The following TMEM132D variants were observed in gnomAD, a reference collection of about 807,000 sequenced individuals.
The protein encoded by TMEM132D is transmembrane protein 132D, also known as mature OL transmembrane protein.
In TMEM132D, 21 loss-of-function variants were observed where a neutral mutation model predicts 62.3. The ratio of observed to expected loss-of-function variants is 0.34; its 90% CI spans 0.24 to 0.49. The LOEUF (loss-of-function observed/expected upper bound fraction) is 0.49, where lower values mean the gene tolerates loss of function less well. Ranked by LOEUF, TMEM132D falls within the 20% of genes least tolerant of loss-of-function variation. The pLI is 0.99. For missense variants in TMEM132D, 1,346 were observed against 1,402.8 expected, an observed-to-expected ratio of 0.96 and a Z score of 0.65; for synonymous variants, 621 against 575.6, an observed-to-expected ratio of 1.08 and a Z score of -1.13.
intron 1 of TMEM132D, among the ~76,000 whole-genome samples, chr12:129,782,221 G>C (rs1871139325): frequency 6.6e-6 from 1 of 152,184 alleles, no homozygotes; most frequent in African/African-American, 2.4e-5. Flanking sequence ...AAAGCCTCCA[G>C]TGAAAATTTC....
chr12:129,545,879 G>A (rs976337346), intron 2 of TMEM132D, among the ~76,000 whole-genome samples: 7 of 152,156 alleles, frequency 4.6e-5, no homozygotes, highest in South Asian at 2.1e-4. Flanking sequence ...ACCGTCTCTC[G>A]GAGCTGTCTC....
At chr12:129,333,530 C>G (rs1869180562) in intron 4 of TMEM132D, among the ~76,000 whole-genome samples, 1 of 152,140 alleles carries the variant, frequency 6.6e-6, no homozygotes. Context: ...TTCTTCACAC[C>G]TATATCCAAT....
intron 4 of TMEM132D, among the ~76,000 whole-genome samples, chr12:129,246,994 G>A (rs10847815): frequency 1.3e-5 from 2 of 152,086 alleles, no homozygotes; most frequent in African/African-American, 4.8e-5. Context: ...CATTAAGCTG[G>A]TATCAAAGGT....
intron 2 of TMEM132D, among the ~76,000 whole-genome samples, chr12:129,663,818 C>T (rs1053189421): frequency 6.6e-6 from 1 of 152,168 alleles, no homozygotes; most frequent in Non-Finnish European, 1.5e-5. Context: ...AAATACGCTG[C>T]TTTGCATTAT....
At chr12:129,570,353 T>C (rs1877477460) in intron 2 of TMEM132D, among the ~76,000 whole-genome samples, 1 of 152,206 alleles carries the variant, frequency 6.6e-6, no homozygotes, top group Non-Finnish European at 1.5e-5. Context: ...CACAAGGACA[T>C]CTACCTTCAT....
intron 5 of TMEM132D, among the ~76,000 whole-genome samples, chr12:129,088,756 C>T (rs1357079406): frequency 2.1e-4 from 10 of 47,244 alleles, no homozygotes; most frequent in African/African-American, 6.0e-4. Flanking sequence ...GGGTGTCCTC[C>T]ATGACCGGGT....
chr12:129,345,476 C>A (rs1869650303), intron 3 of TMEM132D, among the ~76,000 whole-genome samples: 1 of 152,168 alleles, frequency 6.6e-6, no homozygotes, highest in African/African-American at 2.4e-5. Flanking sequence ...GAAGACAAAA[C>A]TGGTGTTTCT....
At chr12:129,558,267 T>C (rs1264394356) in intron 2 of TMEM132D, among the ~76,000 whole-genome samples, 1 of 152,182 alleles carries the variant, frequency 6.6e-6, no homozygotes, top group Admixed American at 6.5e-5. Flanking sequence ...CAGAAATGCT[T>C]CTACATGGAA....
intron 1 of TMEM132D, among the ~76,000 whole-genome samples, chr12:129,875,391 A>G (rs1441171131): frequency 2.0e-5 from 3 of 152,214 alleles, no homozygotes; most frequent in African/African-American, 7.2e-5. Context: ...TTTATTTCTC[A>G]GAGTTCTGGA....
rs186679777 is a variant in TMEM132D, at chr12:129,335,535, A to G, written c.1299+2099T>C. Among the ~76,000 whole-genome samples the G allele has an allele frequency of 1.4e-3, 216 of 152,280 alleles. 4 individuals carry two copies. Among genetic ancestry groups the G allele is most frequent in the Admixed American group, 0.014 (215 of 15,298 alleles). On this transcript the variant is annotated intron_variant, in intron 4 of 8. Transcript: ENST00000422113. ...GATGAGGAAATTGAGGCACAATGAA[A>G]TTAAGTATGGTTGCATGAATAGCTA...
At chr12:129,420,324 T>TTTTTTTTTTTTTTTTTTTA (rs1872274422) in intron 3 of TMEM132D, among the ~76,000 whole-genome samples, 1 of 93,168 alleles carries the variant, frequency 1.1e-5, no homozygotes, top group South Asian at 2.9e-4. Context: ...TTTTTTTTTT[T>TTTTTTTTTTTTTTTTTTTA]TTTTTTGCAG....
At chr12:129,364,732 A>G (rs1352927460) in intron 3 of TMEM132D, among the ~76,000 whole-genome samples, 3 of 152,184 alleles carry the variant, frequency 2.0e-5, no homozygotes, top group African/African-American at 4.8e-5. Flanking sequence ...TCCAGGCATC[A>G]TTATTGCAGG....
At chr12:129,380,557 TTG>T (rs35075834) in intron 3 of TMEM132D, among the ~76,000 whole-genome samples, 102,434 of 151,612 alleles carry the variant, frequency 0.68, 35,042 homozygotes, top group Non-Finnish European at 0.72. Flanking sequence ...CTTGCAGACG[TTG>T]TGTGTGTGTG....
chr12:129,486,321 C>T (rs370744445), intron 3 of TMEM132D, among the ~76,000 whole-genome samples: 9 of 152,120 alleles, frequency 5.9e-5, no homozygotes, highest in South Asian at 2.1e-4. Context: ...AATTTTAAAA[C>T]GCCCTCTAAC....
At chr12:129,165,691 T>TTCC (rs1555233888) in intron 5 of TMEM132D, among the ~76,000 whole-genome samples, 1 of 150,966 alleles carries the variant, frequency 6.6e-6, no homozygotes, top group Admixed American at 6.6e-5. Flanking sequence ...TTTTTTTTTT[T>TTCC]CCCCTACAAA....
rs543359072 is a variant in TMEM132D, at chr12:129,903,613, A to T, written c.-274T>A. The stretch of plus-strand genomic sequence containing the variant: ...CTTCGACCCCAACAGAATTTTTTTT[A>T]AATTTTAATCCACAGGGGGTATTTC... On this transcript the variant is annotated 5_prime_UTR_variant, in exon 1 of 9. Coordinates refer to ENST00000422113, the MANE Select transcript of TMEM132D (RefSeq NM_133448.3). The surrounding 1 kb of genome is among the most constrained non-coding windows in gnomAD (Gnocchi z 6.2). 1.6e-4 allele frequency: 79 copies of T among 489,878 alleles called. No homozygotes were observed. The highest frequency in any genetic ancestry group is 1.1e-3 in the Middle Eastern group (2 of 1,788). The allele number at this position is 489,878 out of a possible 1,614,324, so 30.3% of individuals were successfully genotyped here.
chr12:129,761,111 T>C (rs1453277196), intron 1 of TMEM132D, among the ~76,000 whole-genome samples: 1 of 151,808 alleles, frequency 6.6e-6, no homozygotes, highest in Non-Finnish European at 1.5e-5. Context: ...AGATCAGAAA[T>C]GTGGTAAACG....
intron 1 of TMEM132D, among the ~76,000 whole-genome samples, chr12:129,897,107 A>G (rs1434569605): frequency 1.3e-5 from 2 of 152,182 alleles, no homozygotes; most frequent in African/African-American, 4.8e-5. Flanking sequence ...TTCTTCCTAC[A>G]GCAGATTTTT....
intron 3 of TMEM132D, among the ~76,000 whole-genome samples, chr12:129,342,163 T>C (rs1479935007): frequency 2.0e-5 from 3 of 152,152 alleles, no homozygotes; most frequent in African/African-American, 7.2e-5. Context: ...TCACGCTACC[T>C]GACTTCAAAC....
Sources: allele counts gnomAD v4.1 joint callset (sites outside exome capture counted in the v4.1 genomes callset), GRCh38; gene constraint gnomAD v4.1.1; non-coding constraint Gnocchi (gnomAD v3.1); transcripts MANE v1.5; gene names NCBI Gene and HGNC (gene_info 2026-07-23, HGNC 2026-07-21).